The following LRRC4C variants were observed in gnomAD, a reference collection of about 807,000 sequenced individuals.
LRRC4C encodes leucine rich repeat containing 4C, also known as leucine-rich repeat-containing protein 4C.
A neutral mutation model predicts 33.6 loss-of-function variants in LRRC4C; 5 were observed. That is an observed-to-expected ratio of 0.15 (90% CI 0.08 to 0.31). The LOEUF is 0.31. Ranked by LOEUF, LRRC4C falls within the 10% of genes least tolerant of loss-of-function variation. The pLI is 1.00. For missense variants in LRRC4C, 560 were observed against 796.7 expected (o/e 0.70, Z 3.58); for synonymous variants, 329 against 302.0 (o/e 1.09, Z -0.93).
intron 3 of LRRC4C, among the ~76,000 whole-genome samples, chr11:40,408,898 G>GA (rs1950057661): frequency 2.0e-5 from 3 of 151,934 alleles, no homozygotes; most frequent in South Asian, 4.1e-4. Flanking sequence ...CACAGAAATA[G>GA]AAAAAACAAT....
intron 3 of LRRC4C, among the ~76,000 whole-genome samples, chr11:40,348,421 A>G (rs1947235495): frequency 6.6e-6 from 1 of 152,172 alleles, no homozygotes; most frequent in Non-Finnish European, 1.5e-5. Context: ...GAGGTCCCAC[A>G]TTTTACAAGA....
At chr11:40,832,823 C>T (rs1356733965) in intron 2 of LRRC4C, among the ~76,000 whole-genome samples, 3 of 152,030 alleles carry the variant, frequency 2.0e-5, no homozygotes, top group Admixed American at 1.3e-4. Flanking sequence ...GGAAGTAAAA[C>T]AATTTGGCAC....
intron 4 of LRRC4C, among the ~76,000 whole-genome samples, chr11:40,290,261 C>T (rs1263769450): frequency 6.6e-6 from 1 of 152,124 alleles, no homozygotes; most frequent in Admixed American, 6.5e-5. Context: ...GCTGACTTAA[C>T]TGTGGTAACG....
In LRRC4C at chr11:40,810,384, T is replaced by C. The variant is rs141640793; in HGVS notation, c.-407+123251A>G. ...TATGAATGTAGGAGTACCCCAACAC[T>C]GGGGGAAGCCCTCATCAGTTTTTTA... On this transcript the variant is annotated intron_variant, in intron 2 of 6. Coordinates refer to ENST00000528697, the MANE Select transcript of LRRC4C (RefSeq NM_001258419.2). Among the ~76,000 whole-genome samples, 91 of 152,304 alleles carry C rather than the reference T, an allele frequency of 6.0e-4. No individual in the cohort carries two copies. In the East Asian group the frequency reaches 0.014, roughly 23 times the overall value.
At chr11:40,362,364 T>C (rs927329142) in intron 3 of LRRC4C, among the ~76,000 whole-genome samples, 5 of 151,866 alleles carry the variant, frequency 3.3e-5, no homozygotes, top group Non-Finnish European at 7.4e-5. Context: ...AAATTATACA[T>C]CTGAGAAAGG....
At chr11:40,748,133 G>C (rs1948515228) in intron 2 of LRRC4C, among the ~76,000 whole-genome samples, 1 of 152,140 alleles carries the variant, frequency 6.6e-6, no homozygotes, top group African/African-American at 2.4e-5. Context: ...GTGAAAGACA[G>C]AGAGAGATTT....
At chr11:40,583,631 C>A (rs1958576179) in intron 3 of LRRC4C, among the ~76,000 whole-genome samples, 1 of 152,104 alleles carries the variant, frequency 6.6e-6, no homozygotes, top group South Asian at 2.1e-4. Flanking sequence ...GGGATGAGTT[C>A]TTTCTGCCTC....
intron 3 of LRRC4C, among the ~76,000 whole-genome samples, chr11:40,640,029 T>C (rs575352222): frequency 1.3e-5 from 2 of 152,296 alleles, no homozygotes; most frequent in African/African-American, 4.8e-5. Context: ...ACTCTGATTA[T>C]ATATTCTCAG....
At chr11:40,628,382 G>A (rs1184082365) in intron 3 of LRRC4C, among the ~76,000 whole-genome samples, 2 of 152,152 alleles carry the variant, frequency 1.3e-5, no homozygotes, top group Non-Finnish European at 2.9e-5. Flanking sequence ...GGAGGCTGAG[G>A]CAGGAGAACG....
chr11:40,398,131 A>G (rs1949614413), intron 3 of LRRC4C, among the ~76,000 whole-genome samples: 1 of 152,058 alleles, frequency 6.6e-6, no homozygotes, highest in African/African-American at 2.4e-5. Context: ...ATAATGTTGG[A>G]GAAGCTTATT....
At chr11:40,426,374 C>A (rs1355238762) in intron 3 of LRRC4C, among the ~76,000 whole-genome samples, 1 of 129,410 alleles carries the variant, frequency 7.7e-6, no homozygotes, top group African/African-American at 2.6e-5. Flanking sequence ...TTTGATCCAG[C>A]CACTTTTTTT....
intron 2 of LRRC4C, among the ~76,000 whole-genome samples, chr11:40,799,107 C>T (rs1199141332): frequency 1.3e-5 from 2 of 152,178 alleles, no homozygotes; most frequent in East Asian, 3.9e-4. Flanking sequence ...TACATATAAG[C>T]TTTCCTCAGT....
intron 2 of LRRC4C, among the ~76,000 whole-genome samples, chr11:40,703,241 C>G (rs1413332863): frequency 2.0e-5 from 3 of 151,894 alleles, no homozygotes; most frequent in African/African-American, 7.2e-5. Context: ...AAATGATGAT[C>G]AGGTCCAAAA....
At chr11:41,018,259 A>G (rs952725079) in intron 1 of LRRC4C, among the ~76,000 whole-genome samples, 2 of 152,198 alleles carry the variant, frequency 1.3e-5, no homozygotes, top group Non-Finnish European at 2.9e-5. Flanking sequence ...CGTGTTCTAG[A>G]GCATCTTGTT....
chr11:40,479,487 G>A (rs574000449), intron 3 of LRRC4C, among the ~76,000 whole-genome samples: 18 of 152,204 alleles, frequency 1.2e-4, no homozygotes, highest in Non-Finnish European at 2.1e-4. Flanking sequence ...GTGAAGAACC[G>A]CTATGATAGG....
intron 4 of LRRC4C, among the ~76,000 whole-genome samples, chr11:40,312,934 C>A (rs1945384741): frequency 6.6e-6 from 1 of 151,818 alleles, no homozygotes; most frequent in Admixed American, 6.5e-5. Flanking sequence ...CTCTTTTGCA[C>A]TTTACAGGCT....
chr11:40,665,364 G>GTATATA (rs1189493857), intron 2 of LRRC4C, among the ~76,000 whole-genome samples: 10 of 24,608 alleles, frequency 4.1e-4, no homozygotes, highest in East Asian at 2.1e-3. Context: ...ATATATATAT[G>GTATATA]TATATATATA....
chr11:40,653,471 C>G (rs1040381664), intron 2 of LRRC4C, among the ~76,000 whole-genome samples: 2 of 152,136 alleles, frequency 1.3e-5, no homozygotes, highest in African/African-American at 4.8e-5. Context: ...CCCTGGAGAT[C>G]TGTGGAACTT....
At chr11:41,087,866 T>A (rs1171637768) in intron 1 of LRRC4C, among the ~76,000 whole-genome samples, 1 of 152,150 alleles carries the variant, frequency 6.6e-6, no homozygotes, top group Non-Finnish European at 1.5e-5. Context: ...TGATAAGTCT[T>A]TAGTAAATAT....
Sources: allele counts gnomAD v4.1 joint callset (sites outside exome capture counted in the v4.1 genomes callset), GRCh38; gene constraint gnomAD v4.1.1; transcripts MANE v1.5; gene names NCBI Gene and HGNC (gene_info 2026-07-23, HGNC 2026-07-21).